Variants in DOCK2 observed in about 807,000 individuals in gnomAD.
DOCK2 encodes the protein dedicator of cytokinesis 2.
A neutral mutation model predicts 248.9 loss-of-function variants in DOCK2; 87 were observed. The observed-to-expected ratio is 0.35, with a 90% CI of 0.29 to 0.42. The LOEUF is 0.42. Among genes scored for constraint, DOCK2 ranks in the 10% least tolerant of loss-of-function variants. The pLI, the probability that DOCK2 is intolerant of heterozygous loss-of-function variation, is 1.00. For missense variants in DOCK2, 1,747 were observed against 2,300.2 expected, an observed-to-expected ratio of 0.76 and a Z score of 4.92; for synonymous variants, 805 against 821.6, an observed-to-expected ratio of 0.98 and a Z score of 0.35.
At chr5:169,878,805 G>A (rs1323988110) in intron 27 of DOCK2, among the ~76,000 whole-genome samples, 1 of 152,178 alleles carries the variant, frequency 6.6e-6, no homozygotes, top group Non-Finnish European at 1.5e-5. Flanking sequence ...GAATCAGCTG[G>A]TGGTTTAGAG....
chr5:169,638,203 C>T (rs931511343), intron 1 of DOCK2, among the ~76,000 whole-genome samples: 4 of 152,122 alleles, frequency 2.6e-5, no homozygotes, highest in African/African-American at 4.8e-5. Flanking sequence ...ATAAATATTT[C>T]GCAGGTGAGG....
intron 27 of DOCK2, 122 bp downstream of exon 27, chr5:169,840,974 G>T (rs915890286): frequency 8.6e-5 from 95 of 1,110,744 alleles, no homozygotes; most frequent in Non-Finnish European, 3.9e-6. Flanking sequence ...TTGGAGTAGG[G>T]TGACCAGATT....
At chr5:170,015,660 C>T (rs548690593) in intron 32 of DOCK2, among the ~76,000 whole-genome samples, 3 of 152,234 alleles carry the variant, frequency 2.0e-5, no homozygotes, top group South Asian at 4.1e-4. Flanking sequence ...GGAGTCGTAA[C>T]TTGCCCTCAT....
intron 41 of DOCK2, among the ~76,000 whole-genome samples, chr5:170,051,192 G>A (rs1320518473): frequency 6.6e-6 from 1 of 152,170 alleles, no homozygotes; most frequent in Non-Finnish European, 1.5e-5. Context: ...TTGGCAGGAA[G>A]GAGCATAGCA....
intron 22 of DOCK2, among the ~76,000 whole-genome samples, chr5:169,725,681 G>A (rs1003226429): frequency 4.5e-5 from 6 of 132,224 alleles, no homozygotes; most frequent in African/African-American, 8.2e-5. Flanking sequence ...GACAGGCCCC[G>A]GTGTGTGATG....
At chr5:169,796,932 G>A (rs1393684635) in intron 25 of DOCK2, among the ~76,000 whole-genome samples, 1 of 152,232 alleles carries the variant, frequency 6.6e-6, no homozygotes, top group Non-Finnish European at 1.5e-5. Context: ...ATGGCCTCCA[G>A]CCATGCCAGA....
At chr5:169,793,904 C>T (rs1038566134) in intron 25 of DOCK2, among the ~76,000 whole-genome samples, 2 of 152,152 alleles carry the variant, frequency 1.3e-5, no homozygotes, top group Admixed American at 1.3e-4. Flanking sequence ...GCCTTCTCCC[C>T]GTTCAGGTCT....
intron 33 of DOCK2, among the ~76,000 whole-genome samples, chr5:170,024,702 G>A (rs1289712905): frequency 6.6e-6 from 1 of 152,148 alleles, no homozygotes; most frequent in Non-Finnish European, 1.5e-5. Context: ...TAAGGTCACA[G>A]GGCTGGGAAA....
intron 25 of DOCK2, among the ~76,000 whole-genome samples, chr5:169,771,787 TG>T (rs1283669299): frequency 2.0e-5 from 3 of 152,232 alleles, no homozygotes; most frequent in Non-Finnish European, 4.4e-5. Context: ...GTCAAATTTT[TG>T]TGTGTGCCTT....
intron 30 of DOCK2, chr5:169,997,921 T>A (rs2113799793): frequency 2.2e-6 from 1 of 456,358 alleles, no homozygotes; most frequent in South Asian, 1.5e-5. Flanking sequence ...ACTGTATCCG[T>A]GCCTCAAGTG....
At chr5:170,052,447 G>T (rs991342609) in intron 41 of DOCK2, among the ~76,000 whole-genome samples, 5 of 152,196 alleles carry the variant, frequency 3.3e-5, no homozygotes, top group African/African-American at 1.2e-4. Flanking sequence ...CTGGTTCAGT[G>T]CCAGGAGGCA....
At chr5:169,966,794 C>T (rs1199009294) in intron 27 of DOCK2, among the ~76,000 whole-genome samples, 3 of 152,156 alleles carry the variant, frequency 2.0e-5, no homozygotes, top group Admixed American at 2.0e-4. Context: ...TGAGCTGTTC[C>T]CCTCCCTACT....
At chr5:170,038,013 A>T (rs1250703642) in intron 36 of DOCK2, among the ~76,000 whole-genome samples, 1 of 152,202 alleles carries the variant, frequency 6.6e-6, no homozygotes, top group Non-Finnish European at 1.5e-5. Flanking sequence ...ATTTGGAGAA[A>T]AATAATTTTA....
At chr5:169,950,851 G>A in intron 27 of DOCK2, among the ~76,000 whole-genome samples, 1 of 152,196 alleles carries the variant, frequency 6.6e-6, no homozygotes, top group East Asian at 1.9e-4. Flanking sequence ...TCTTACTGAG[G>A]CTGAGCCAAA....
At chr5:169,704,759 A>ATGTGTG (rs56289708) in intron 14 of DOCK2, among the ~76,000 whole-genome samples, 153 of 140,010 alleles carry the variant, frequency 1.1e-3, no homozygotes, top group African/African-American at 2.3e-3. Flanking sequence ...CTCCATATAT[A>ATGTGTG]TGTGTGTGTG....
chr5:170,059,990 G>A (rs1441018633), intron 44 of DOCK2, among the ~76,000 whole-genome samples: 1 of 152,174 alleles, frequency 6.6e-6, no homozygotes, highest in Non-Finnish European at 1.5e-5. Context: ...AAAGTTGAAT[G>A]CTCTTCTAAG....
At chr5:169,860,942 A>G (rs1771159935) in intron 27 of DOCK2, among the ~76,000 whole-genome samples, 1 of 152,204 alleles carries the variant, frequency 6.6e-6, no homozygotes, top group Non-Finnish European at 1.5e-5. Context: ...TTTTCTTCAC[A>G]TTGGCGATAT....
At chr5:169,990,486 A>G (rs1778176188) in intron 29 of DOCK2, among the ~76,000 whole-genome samples, 1 of 152,164 alleles carries the variant, frequency 6.6e-6, no homozygotes, top group African/African-American at 2.4e-5. Context: ...AGCCTGCTGC[A>G]TCCCTAACTG....
chr5:169,927,296 G>A (rs916911835), intron 27 of DOCK2, among the ~76,000 whole-genome samples: 5 of 152,166 alleles, frequency 3.3e-5, no homozygotes, highest in Non-Finnish European at 5.9e-5. Context: ...CCACAGTAAG[G>A]GGGTTGAGTT....
Sources: allele counts gnomAD v4.1 joint callset (sites outside exome capture counted in the v4.1 genomes callset), GRCh38; gene constraint gnomAD v4.1.1; transcripts MANE v1.5; gene names NCBI Gene and HGNC (gene_info 2026-07-23, HGNC 2026-07-21).